BANK1: variants seen among roughly 807,000 people sequenced by gnomAD.
The protein encoded by BANK1 is B-cell scaffold protein with ankyrin repeats.
BANK1 carries 95 observed loss-of-function variants against 94.5 expected under a neutral mutation model. The ratio of observed to expected loss-of-function variants is 1.00; its 90% CI spans 0.85 to 1.19. The LOEUF (loss-of-function observed/expected upper bound fraction) is 1.19, where lower values mean the gene tolerates loss of function less well. Among genes scored for constraint, BANK1 ranks in the 50% most tolerant of loss-of-function variants. BANK1 has a pLI of 0.00. For missense variants in BANK1, 987 were observed against 932.2 expected (o/e 1.06, Z -0.77); for synonymous variants, 334 against 308.4 (o/e 1.08, Z -0.87).
At chr4:101,974,783 A>C (rs1725069764) in intron 7 of BANK1, among the ~76,000 whole-genome samples, 1 of 96,422 alleles carries the variant, frequency 1.0e-5, no homozygotes, top group African/African-American at 3.4e-5. Context: ...CCCCATCTTT[A>C]CTAAAAATAC....
chr4:101,920,000 A>C (rs1049290559), intron 7 of BANK1, among the ~76,000 whole-genome samples: 1 of 152,062 alleles, frequency 6.6e-6, no homozygotes, highest in Non-Finnish European at 1.5e-5. Flanking sequence ...TCTAATTATC[A>C]ATTTTATCTA....
chr4:101,826,991 A>G (rs1292486845), intron 1 of BANK1, among the ~76,000 whole-genome samples: 1 of 152,000 alleles, frequency 6.6e-6, no homozygotes, highest in African/African-American at 2.4e-5. Flanking sequence ...TAGAAAATAC[A>G]TGCTCTGTTT....
At position 101,827,228 on chromosome 4, in the gene BANK1, G is replaced by T. The variant is rs1287569935; in HGVS notation, c.71-2580G>T. Among the ~76,000 whole-genome samples the T allele has an allele frequency of 3.3e-5, 5 of 151,944 alleles. No individual in the cohort carries two copies. In the East Asian group the frequency reaches 9.6e-4, roughly 29 times the overall value. ...TGATAGAATTATTTTAGGTAGATAG[G>T]CATGGAGGTACTATTTTATTAAAAA... On this transcript the variant is annotated intron_variant, in intron 1 of 16. Transcript: ENST00000322953.
At chr4:101,856,466 G>GT (rs2148874984) in intron 3 of BANK1, among the ~76,000 whole-genome samples, 1 of 152,130 alleles carries the variant, frequency 6.6e-6, no homozygotes, top group African/African-American at 2.4e-5. Flanking sequence ...GAAAATAAGT[G>GT]TAATAAAAGA....
At chr4:101,960,188 T>C (rs1724520295) in intron 7 of BANK1, among the ~76,000 whole-genome samples, 1 of 152,134 alleles carries the variant, frequency 6.6e-6, no homozygotes, top group Admixed American at 6.5e-5. Flanking sequence ...AAAATGCAAG[T>C]GGAATTTATT....
intron 4 of BANK1, among the ~76,000 whole-genome samples, chr4:101,870,195 A>T (rs1185695141): frequency 6.6e-6 from 1 of 152,016 alleles, no homozygotes; most frequent in Non-Finnish European, 1.5e-5. Context: ...GAATTATGTA[A>T]AGATTATAGA....
chr4:101,854,311 AT>A (rs1211915722), intron 2 of BANK1, among the ~76,000 whole-genome samples: 1 of 152,140 alleles, frequency 6.6e-6, no homozygotes, highest in Non-Finnish European at 1.5e-5. Flanking sequence ...CTCTTAACAC[AT>A]TTTTTCAAAT....
At chr4:101,992,463 T>G (rs1449214485) in intron 7 of BANK1, among the ~76,000 whole-genome samples, 2 of 152,128 alleles carry the variant, frequency 1.3e-5, no homozygotes, top group African/African-American at 4.8e-5. Flanking sequence ...AAATTCAAAA[T>G]TTTTTTACCA....
chr4:101,859,635 A>T (rs4443287), intron 3 of BANK1, among the ~76,000 whole-genome samples: 1 of 151,944 alleles, frequency 6.6e-6, no homozygotes, highest in African/African-American at 2.4e-5. Flanking sequence ...TAAATTAGCT[A>T]ATGTAATTAA....
intron 10 of BANK1, among the ~76,000 whole-genome samples, chr4:102,038,057 C>A (rs1727575324): frequency 6.6e-6 from 1 of 152,102 alleles, no homozygotes; most frequent in African/African-American, 2.4e-5. Context: ...TTTTTGAAAT[C>A]CTTTTGGAAT....
At chr4:101,864,524 C>T (rs191179325) in intron 4 of BANK1, among the ~76,000 whole-genome samples, 13 of 152,266 alleles carry the variant, frequency 8.5e-5, no homozygotes, top group Non-Finnish European at 1.5e-4. Flanking sequence ...AAATCGACCA[C>T]GTTTCTTGAA....
At chr4:101,833,022 C>T (rs919701204) in intron 2 of BANK1, among the ~76,000 whole-genome samples, 1 of 151,838 alleles carries the variant, frequency 6.6e-6, no homozygotes, top group East Asian at 1.9e-4. Context: ...TCTTGTTGCC[C>T]AGGCTGGAGT....
intron 7 of BANK1, among the ~76,000 whole-genome samples, chr4:101,939,275 A>G (rs1723667061): frequency 6.6e-6 from 1 of 151,798 alleles, no homozygotes; most frequent in South Asian, 2.1e-4. Flanking sequence ...CTGACTACCT[A>G]TAACAAGACC....
chr4:102,030,769 T>C (rs1181614745), intron 10 of BANK1, among the ~76,000 whole-genome samples: 1 of 152,180 alleles, frequency 6.6e-6, no homozygotes, highest in Non-Finnish European at 1.5e-5. Context: ...GGACATGAAC[T>C]CATCCTTTTT....
At chr4:101,828,534 T>C (rs1330780742) in intron 1 of BANK1, among the ~76,000 whole-genome samples, 1 of 151,894 alleles carries the variant, frequency 6.6e-6, no homozygotes, top group South Asian at 2.1e-4. Context: ...GTGAATCAAG[T>C]TTTCTGCTTT....
Position 101,790,803 on chromosome 4 carries a change from G to T in BANK1, c.-78G>T. ...GAGGGCCAAAGGAAGAGAAAATCGC[G>T]GGGAGTCTCTGGCCGGGAGAGTCCA... is the stretch of plus-strand genomic sequence containing the variant. On this transcript the variant is annotated 5_prime_UTR_variant, in exon 1 of 17. Transcript: ENST00000322953. 7.1e-7 allele frequency: 1 copy of T among 1,412,002 alleles called. No homozygotes were observed. Among genetic ancestry groups the T allele is most frequent in the South Asian group, 1.2e-5 (1 of 81,464 alleles). 87.5% of individuals were successfully genotyped at this position (1,412,002 alleles called of 1,614,324 possible).
intron 1 of BANK1, among the ~76,000 whole-genome samples, chr4:101,818,371 C>G (rs1406723889): frequency 6.6e-6 from 1 of 152,072 alleles, no homozygotes; most frequent in East Asian, 1.9e-4. Flanking sequence ...ATATGAATAC[C>G]TGGTTATGTT....
intron 13 of BANK1, among the ~76,000 whole-genome samples, chr4:102,063,354 C>T (rs192368937): frequency 1.3e-4 from 19 of 151,818 alleles, no homozygotes; most frequent in African/African-American, 4.3e-4. Context: ...TGTAAGTTAA[C>T]ATATAAAATA....
At chr4:101,800,800 C>T (rs1368639720) in intron 1 of BANK1, among the ~76,000 whole-genome samples, 1 of 152,166 alleles carries the variant, frequency 6.6e-6, no homozygotes, top group Non-Finnish European at 1.5e-5. Context: ...TCTTGTCACC[C>T]AGCCTGGAGT....
Sources: gnomAD v4.1 joint callset for allele counts (sites outside exome capture counted in the v4.1 genomes callset) on GRCh38, gnomAD v4.1.1 for gene constraint, MANE v1.5 for transcripts, NCBI Gene and HGNC (gene_info 2026-07-23, HGNC 2026-07-21) for gene names.